FTL: variants seen among roughly 807,000 people sequenced by gnomAD.
FTL encodes ferritin light chain, also known as epididymis secretory sperm binding protein.
In FTL, 17 loss-of-function variants were observed where a neutral mutation model predicts 16.6. The observed-to-expected ratio is 1.02, with a 90% confidence interval of 0.70 to 1.53. The LOEUF is 1.53. FTL is among the 40% of genes most tolerant of loss of function. The pLI is 0.00. For missense variants in FTL, 186 were observed against 226.1 expected (o/e 0.82, Z 1.14); for synonymous variants, 73 against 89.9 (o/e 0.81, Z 1.06).
intron 1 of FTL, 44 bp downstream of exon 1, chr19:48,965,653 G>C (rs1483159612): frequency 1.0e-5 from 16 of 1,599,480 alleles, no homozygotes; most frequent in African/African-American, 2.7e-5. Context: ...CTCCAGCTGC[G>C]CACCTCCGGC....
intron 1 of FTL, 65 bp downstream of exon 1, chr19:48,965,674 C>T (rs1408538087): frequency 3.1e-6 from 5 of 1,602,732 alleles, no homozygotes; most frequent in South Asian, 1.1e-5. Flanking sequence ...CCTCACTGCA[C>T]GCGCCAGCCT....
chr19:48,965,672 C>T (rs1035621280), intron 1 of FTL, 63 bp downstream of exon 1: 1 of 1,602,404 alleles, frequency 6.2e-7, no homozygotes, highest in African/African-American at 1.3e-5. Context: ...GCCCTCACTG[C>T]ACGCGCCAGC....
Position 48,966,794 on chromosome 19 carries a change from C to G in FTL, c.*59C>G. On this transcript the variant is annotated 3_prime_UTR_variant, in exon 4 of 4. Coordinates refer to ENST00000331825, the MANE Select transcript of FTL (RefSeq NM_000146.4). ...CCTTGCAAAGTAATAGGGCTTCTGC[C>G]TAAGCCTCTCCCTCCAGCCAATAGG... is the stretch of plus-strand genomic sequence containing the variant. 6.4e-7 allele frequency: 1 copy of G among 1,565,602 alleles called. No individual in the cohort carries two copies. Among genetic ancestry groups the G allele is most frequent in the South Asian group, 1.1e-5 (1 of 89,886 alleles).
Position 48,966,568 on chromosome 19 carries a change from CCTCTT to C in FTL, c.376-10_376-6del. The C allele has an allele frequency of 6.2e-7, 1 of 1,613,984 alleles. No homozygotes were observed. Among genetic ancestry groups the C allele is most frequent in the South Asian group, 1.1e-5 (1 of 91,070 alleles). ...CCAGGGATTGGGTTTCTAATTTCTC[CCTCTT>C]CTCTCTCAGCTCTGTGACTTCCTGG... is the stretch of plus-strand genomic sequence containing the variant. On this transcript the variant is annotated splice_polypyrimidine_tract_variant and intron_variant, in intron 3 of 3. Transcript: ENST00000331825.
Position 48,966,297 on chromosome 19 carries a change from A to C in FTL, c.266A>C (p.Glu89Ala). 6.2e-7 allele frequency: 1 copy of C among 1,614,098 alleles called. No homozygotes were observed. The highest frequency in any genetic ancestry group is 8.5e-7 in the Non-Finnish European group (1 of 1,180,014). ...TCTATATAGAAGCCAGCTGAAGATG[A>C]GTGGGGTAAAACCCCAGACGCCATG... ...FQDIKKPAED[E>A]WGKTPDAMKA... The change falls in exon 3 of 4, where the codon GAG becomes GCG. Residue 89 changes from glutamate (E) to alanine (A), a missense_variant. Physicochemically the swap from Glu to Ala is moderately radical, Grantham distance 107 (BLOSUM62 -1). Coordinates refer to ENST00000331825, the MANE Select transcript of FTL (RefSeq NM_000146.4).
Position 48,965,831 on chromosome 19 carries a change from T to G in FTL, c.164T>G (p.Leu55Trp). 1 of 1,614,190 alleles carries G rather than the reference T, an allele frequency of 6.2e-7. No individual in the cohort carries two copies. The highest frequency in any genetic ancestry group is 1.1e-5 in the South Asian group (1 of 91,090). ...GGCGTGAGCCACTTCTTCCGCGAATTGGCCGAGGAGAAGCGCGAGGGCTAC... is the reference window on the plus strand; with the variant it reads ...GGCGTGAGCCACTTCTTCCGCGAATGGGCCGAGGAGAAGCGCGAGGGCTAC... ...LEGVSHFFRE[L>W]AEEKREGYER... The change falls in exon 2 of 4, where the codon TTG becomes TGG. Residue 55 changes from leucine to tryptophan, a missense_variant. Physicochemically the swap from Leu to Trp is moderately conservative, Grantham distance 61. Transcript: ENST00000331825.
Position 48,966,290 on chromosome 19 carries a change from G to T in FTL, c.259G>T (p.Glu87Ter), listed in dbSNP as rs1444213051. 6.2e-7 allele frequency: 1 copy of T among 1,613,960 alleles called. No individual in the cohort carries two copies. Among genetic ancestry groups the T allele is most frequent in the Non-Finnish European group, 8.5e-7 (1 of 1,180,006 alleles). ...ALFQDIKKPA[E>*]DEWGKTPDAM... ...TCTCCCTTCTATATAGAAGCCAGCTGAAGATGAGTGGGGTAAAACCCCAGA... is the reference window on the plus strand; with the variant it reads ...TCTCCCTTCTATATAGAAGCCAGCTTAAGATGAGTGGGGTAAAACCCCAGA... Residue 87 changes from glutamate (E) to a stop codon, truncating the protein, a stop_gained, in exon 3 of 4, where the codon GAA (glutamate) becomes TAA (stop). Coordinates refer to ENST00000331825, the MANE Select transcript of FTL (RefSeq NM_000146.4). LOFTEE classifies it high-confidence loss of function.
chr19:48,966,410 C>T lies in FTL; in HGVS notation c.375+4C>T, dbSNP rs369864128. ...TTCTGCCCGCACGGACCCCCATGTA[C>T]GTACCCGCTGCATCCATGGCTACCC... is the stretch of plus-strand genomic sequence containing the variant. On this transcript the variant is annotated splice_donor_region_variant and intron_variant, in intron 3 of 3. Transcript: ENST00000331825. 39 of 1,614,018 alleles carry T rather than the reference C, an allele frequency of 2.4e-5. No individual in the cohort carries two copies. The highest frequency in any genetic ancestry group is 8.9e-5 in the East Asian group (4 of 44,896).
At chr19:48,966,126 T>C in intron 2 of FTL, 155 bp from the exon 3 acceptor site, 4 of 1,274,686 alleles carry the variant, frequency 3.1e-6, no homozygotes, top group Non-Finnish European at 3.4e-6. Flanking sequence ...GACGTATAGC[T>C]GTAAGAGCTA....
intron 2 of FTL, 24 bp downstream of exon 2, chr19:48,965,940 C>T: frequency 6.2e-7 from 1 of 1,613,160 alleles, no homozygotes; most frequent in Non-Finnish European, 8.5e-7. Flanking sequence ...GGGTAATGGA[C>T]TACATCTCCC....
intron 3 of FTL, 32 bp downstream of exon 3, chr19:48,966,438 C>T (rs1220173673): frequency 3.1e-6 from 5 of 1,614,022 alleles, no homozygotes; most frequent in Middle Eastern, 1.6e-4. Flanking sequence ...GGCTACCCAA[C>T]CATACCCCTC....
rs778348871 is a variant in FTL, at chr19:48,965,917, G to A, written c.249+1G>A. ...CCGCGCTCTCTTCCAGGACATCAAG[G>A]TAACTAGTGTGTGGGTAATGGACTA... On this transcript the variant is annotated splice_donor_variant, in intron 2 of 3. Transcript: ENST00000331825. LOFTEE classifies it high-confidence loss of function. The A allele has an allele frequency of 3.7e-6, 6 of 1,613,926 alleles. No homozygotes were observed. The African/African-American group carries it at 6.7e-5, about 18-fold the overall frequency.
intron 1 of FTL, 28 bp downstream of exon 1, chr19:48,965,637 A>G (rs2038443038): frequency 6.2e-7 from 1 of 1,602,884 alleles, no homozygotes; most frequent in Non-Finnish European, 8.5e-7. Context: ...CCCTGGCCCT[A>G]ATTTCCTCCA....
At position 48,966,614 on chromosome 19, in the gene FTL, A is replaced by G. The variant is rs2038459418; in HGVS notation, c.407A>G (p.Asp136Gly). ...LCDFLETHFL[D>G]EEVKLIKKMG... is the part of the protein sequence containing the mutation. Reference sequence around the variant, plus strand: ...GACTTCCTGGAGACTCACTTCCTAGATGAGGAAGTGAAGCTTATCAAGAAG... The same window carrying G: ...GACTTCCTGGAGACTCACTTCCTAGGTGAGGAAGTGAAGCTTATCAAGAAG... The change falls in exon 4 of 4, where the codon GAT (aspartate) becomes GGT (glycine). Residue 136 changes from aspartate to glycine, a missense_variant. Physicochemically the swap from Asp to Gly is moderately conservative, Grantham distance 94. Transcript: ENST00000331825. The G allele has an allele frequency of 6.2e-7, 1 of 1,613,518 alleles. No homozygotes were observed. The highest frequency in any genetic ancestry group is 1.3e-5 in the African/African-American group (1 of 74,852).
chr19:48,966,488 C>T (rs2038457174), intron 3 of FTL, 82 bp downstream of exon 3: 1 of 1,612,938 alleles, frequency 6.2e-7, no homozygotes, highest in African/African-American at 1.3e-5. Context: ...TTCAGAGCCT[C>T]ATTTCACACC....
chr19:48,966,138 G>C, intron 2 of FTL, 143 bp from the exon 3 acceptor site: 1 of 1,338,074 alleles, frequency 7.5e-7, no homozygotes, highest in Admixed American at 1.7e-5. Context: ...TAAGAGCTAG[G>C]ACAGGGTGCG....
chr19:48,966,790 C>T lies in FTL; in HGVS notation c.*55C>T. 6.3e-7 allele frequency: 1 copy of T among 1,574,816 alleles called. No homozygotes were observed. Among genetic ancestry groups the T allele is most frequent in the Non-Finnish European group, 8.7e-7 (1 of 1,147,586 alleles). On this transcript the variant is annotated 3_prime_UTR_variant, in exon 4 of 4. Transcript: ENST00000331825. ...GGCCCCTTGCAAAGTAATAGGGCTTCTGCCTAAGCCTCTCCCTCCAGCCAA... is the reference window on the plus strand; with the variant it reads ...GGCCCCTTGCAAAGTAATAGGGCTTTTGCCTAAGCCTCTCCCTCCAGCCAA...
chr19:48,966,030 T>C (rs1459275474), intron 2 of FTL, 114 bp downstream of exon 2: 21 of 1,396,572 alleles, frequency 1.5e-5, no homozygotes, highest in Non-Finnish European at 2.0e-5. Context: ...TTCGGTCTTG[T>C]GAGCCCTCTT....
At position 48,965,409 on chromosome 19, in the gene FTL, T is replaced by A; in HGVS notation, c.-99T>A. ...AGCCTCCGACCGCCCTCCGATTTCCTCTCCGCTTGCAACCTCCGGGACCAT... is the reference window on the plus strand; with the variant it reads ...AGCCTCCGACCGCCCTCCGATTTCCACTCCGCTTGCAACCTCCGGGACCAT... On this transcript the variant is annotated 5_prime_UTR_variant, in exon 1 of 4. Coordinates refer to ENST00000331825, the MANE Select transcript of FTL (RefSeq NM_000146.4). The A allele has an allele frequency of 1.2e-6, 1 of 824,932 alleles. No homozygotes were observed. Among genetic ancestry groups the A allele is most frequent in the Non-Finnish European group, 2.1e-6 (1 of 477,578 alleles). 51.1% of individuals were successfully genotyped at this position (824,932 alleles called of 1,614,324 possible). A position where few individuals can be genotyped will look rare whatever the true frequency, so the allele number is the denominator to read the frequency against.
Sources: allele counts gnomAD v4.1 joint callset, GRCh38; gene constraint gnomAD v4.1.1; transcripts MANE v1.5; gene names NCBI Gene and HGNC (gene_info 2026-07-23, HGNC 2026-07-21).